EFCAB14: variants seen among roughly 807,000 people sequenced by gnomAD.
EFCAB14 encodes the protein EF-hand calcium binding domain 14.
Under a neutral mutation model 56.5 loss-of-function variants are expected in EFCAB14, and 43 were observed. The ratio of observed to expected loss-of-function variants is 0.76; its 90% CI spans 0.60 to 0.98. The LOEUF (loss-of-function observed/expected upper bound fraction) is 0.98, where lower values mean the gene tolerates loss of function less well. Among genes scored for constraint, EFCAB14 ranks in the 50% least tolerant of loss-of-function variants. The pLI is 0.00. For synonymous variants in EFCAB14, 235 were observed against 212.9 expected (o/e 1.10, Z -0.90); for missense variants, 538 against 580.3 (o/e 0.93, Z 0.75).
chr1:46,680,269 T>G (rs1052088627), intron 10 of EFCAB14, among the ~76,000 whole-genome samples: 1 of 152,232 alleles, frequency 6.6e-6, no homozygotes, highest in Non-Finnish European at 1.5e-5. Context: ...TGAATGTTCA[T>G]GGCAGCATTA....
chr1:46,687,991 T>C (rs1263303668), intron 7 of EFCAB14, among the ~76,000 whole-genome samples: 2 of 152,116 alleles, frequency 1.3e-5, no homozygotes, highest in East Asian at 3.8e-4. Flanking sequence ...CCACCCCTAA[T>C]AACTTAAAAA....
intron 4 of EFCAB14, 32 bp from the exon 5 acceptor site, chr1:46,691,969 A>G (rs113071816): frequency 7.1e-6 from 11 of 1,541,518 alleles, no homozygotes; most frequent in African/African-American, 2.7e-5. Flanking sequence ...GGTGTAAAAA[A>G]GCTTTAAGAG....
intron 8 of EFCAB14, 40 bp downstream of exon 8, chr1:46,686,744 G>A: frequency 6.3e-7 from 1 of 1,583,828 alleles, no homozygotes; most frequent in Non-Finnish European, 8.7e-7. Flanking sequence ...AGATGCTGCT[G>A]CATTTACTTT....
intron 8 of EFCAB14, among the ~76,000 whole-genome samples, chr1:46,686,254 C>T (rs1676879363): frequency 6.6e-6 from 1 of 152,216 alleles, no homozygotes; most frequent in Admixed American, 6.5e-5. Context: ...GTGAAGGGAA[C>T]TGGCTGAGGT....
rs1230707704 is a variant in EFCAB14, at chr1:46,678,398, G to A, written c.*63C>T. 3 of 1,575,736 alleles carry A rather than the reference G, an allele frequency of 1.9e-6. No homozygotes were observed. The African/African-American group carries it at 4.1e-5, about 21-fold the overall frequency. On this transcript the variant is annotated 3_prime_UTR_variant, in exon 11 of 11. Coordinates refer to ENST00000371933, the MANE Select transcript of EFCAB14 (RefSeq NM_014774.3). ...ACTAGAGGACTGATGGGTAAGTAAG[G>A]GTTGTTTTGTTGTTAGGTAAATAGA...
chr1:46,700,830 T>C (rs1422154948), intron 3 of EFCAB14, among the ~76,000 whole-genome samples: 1 of 152,150 alleles, frequency 6.6e-6, no homozygotes, highest in African/African-American at 2.4e-5. Flanking sequence ...TGAATGACCT[T>C]ATTTATTTAC....
intron 3 of EFCAB14, among the ~76,000 whole-genome samples, chr1:46,705,291 C>A (rs943724883): frequency 6.6e-6 from 1 of 152,214 alleles, no homozygotes; most frequent in South Asian, 2.1e-4. Flanking sequence ...TCAGTCCCAG[C>A]ATCTTTGAAG....
At chr1:46,712,975 T>C (rs1313620807) in intron 2 of EFCAB14, among the ~76,000 whole-genome samples, 2 of 151,912 alleles carry the variant, frequency 1.3e-5, no homozygotes, top group African/African-American at 4.8e-5. Context: ...GATCATGCCA[T>C]TGCACTCCAG....
chr1:46,682,250 A>G (rs1173652202), intron 10 of EFCAB14: 5 of 152,208 alleles, frequency 3.3e-5, no homozygotes, highest in Non-Finnish European at 7.3e-5. Context: ...GAGGAGCCTA[A>G]TCCAGTCACT....
At chr1:46,680,947 C>T (rs1676783178) in intron 10 of EFCAB14, among the ~76,000 whole-genome samples, 1 of 151,804 alleles carries the variant, frequency 6.6e-6, no homozygotes, top group East Asian at 1.9e-4. Flanking sequence ...ATCACAAACA[C>T]TTAGGAAGGT....
chr1:46,716,754 G>A (rs1173722484), intron 1 of EFCAB14, among the ~76,000 whole-genome samples: 1 of 152,208 alleles, frequency 6.6e-6, no homozygotes, highest in Non-Finnish European at 1.5e-5. Context: ...GGTCACAAAA[G>A]TGTAAAGACC....
intron 2 of EFCAB14, among the ~76,000 whole-genome samples, chr1:46,715,096 T>C (rs1002644887): frequency 4.6e-5 from 7 of 152,234 alleles, no homozygotes; most frequent in Non-Finnish European, 4.4e-5. Flanking sequence ...GTTACTAGTA[T>C]AAGCACAGCT....
In EFCAB14 at chr1:46,699,609, G is replaced by A. The variant is rs1211327465; in HGVS notation, c.481-2960C>T. On this transcript the variant is annotated intron_variant, in intron 3 of 10. Coordinates refer to ENST00000371933, the MANE Select transcript of EFCAB14 (RefSeq NM_014774.3). ...ACAGAGGCCGGGGGGTAGGAGATAAGGCTAGATAAGTAGTGAATTTATTCT... is the reference window on the plus strand; with the variant it reads ...ACAGAGGCCGGGGGGTAGGAGATAAAGCTAGATAAGTAGTGAATTTATTCT... Among the ~76,000 whole-genome samples, 6 of 152,200 alleles carry A rather than the reference G, an allele frequency of 3.9e-5. No individual in the cohort carries two copies. The East Asian group carries it at 5.8e-4, about 15-fold the overall frequency.
chr1:46,718,641 A>AG lies in EFCAB14; in HGVS notation c.-555dup. The AG allele has an allele frequency of 6.5e-6, 1 of 152,828 alleles. No homozygotes were observed. Among genetic ancestry groups the AG allele is most frequent in the Non-Finnish European group, 1.5e-5 (1 of 68,488 alleles). 9.5% of individuals were successfully genotyped at this position (152,828 alleles called of 1,614,324 possible). A position where few individuals can be genotyped will look rare whatever the true frequency, so the allele number is the denominator to read the frequency against. ...TCCTTGCAGGAGAGGTGGCGGCAGGAGGGGGCTCCCAGCAGCTACAATCCC... is the reference window on the plus strand; with the variant it reads ...TCCTTGCAGGAGAGGTGGCGGCAGGAGGGGGGCTCCCAGCAGCTACAATCCC... On this transcript the variant is annotated 5_prime_UTR_variant, in exon 1 of 11. Coordinates refer to ENST00000371933, the MANE Select transcript of EFCAB14 (RefSeq NM_014774.3).
chr1:46,717,668 A>T (rs1248730075), intron 1 of EFCAB14, among the ~76,000 whole-genome samples: 1 of 152,192 alleles, frequency 6.6e-6, no homozygotes, highest in Non-Finnish European at 1.5e-5. Flanking sequence ...CTCCAAGTCC[A>T]CATTTCCACC....
chr1:46,698,066 T>C (rs1009792475), intron 3 of EFCAB14, among the ~76,000 whole-genome samples: 3 of 152,136 alleles, frequency 2.0e-5, no homozygotes, highest in African/African-American at 7.2e-5. Flanking sequence ...TTGGCCAGGC[T>C]GGTCTTGAAC....
intron 10 of EFCAB14, among the ~76,000 whole-genome samples, chr1:46,681,020 G>C (rs1395429862): frequency 6.6e-6 from 1 of 151,130 alleles, no homozygotes; most frequent in Non-Finnish European, 1.5e-5. Flanking sequence ...ACCCAGGTTA[G>C]AGTGCAGTGG....
intron 2 of EFCAB14, among the ~76,000 whole-genome samples, chr1:46,710,352 A>C (rs1424350436): frequency 6.6e-6 from 1 of 152,176 alleles, no homozygotes; most frequent in Non-Finnish European, 1.5e-5. Context: ...AATATTTGAT[A>C]TCCTCCTTAT....
chr1:46,716,726 T>A (rs942099229), intron 1 of EFCAB14, among the ~76,000 whole-genome samples: 1 of 151,894 alleles, frequency 6.6e-6, no homozygotes, highest in African/African-American at 2.4e-5. Flanking sequence ...AGGAGGGAGG[T>A]CTTTGAATAC....
Sources: allele counts gnomAD v4.1 joint callset (sites outside exome capture counted in the v4.1 genomes callset), GRCh38; gene constraint gnomAD v4.1.1; transcripts MANE v1.5; gene names NCBI Gene and HGNC (gene_info 2026-07-23, HGNC 2026-07-21).